MCTP1: variants seen among roughly 807,000 people sequenced by gnomAD.
MCTP1 encodes the protein multiple C2 and transmembrane domain containing 1.
In MCTP1, 69 loss-of-function variants were observed where a neutral mutation model predicts 120.6. That is an observed-to-expected ratio of 0.57 (90% CI 0.47 to 0.70). MCTP1 has a LOEUF of 0.70. Ranked by LOEUF, MCTP1 falls within the 30% of genes least tolerant of loss-of-function variation. The pLI is 0.00. For missense variants in MCTP1, 1,203 were observed against 1,248.8 expected (o/e 0.96, Z 0.55); for synonymous variants, 529 against 493.1 (o/e 1.07, Z -0.96).
intron 1 of MCTP1, among the ~76,000 whole-genome samples, chr5:95,105,589 C>T (rs1757025882): frequency 6.6e-6 from 1 of 152,054 alleles, no homozygotes; most frequent in African/African-American, 2.4e-5. Flanking sequence ...GAGGATATCA[C>T]ATCTCTGTAC....
intron 19 of MCTP1, among the ~76,000 whole-genome samples, chr5:94,772,236 T>C (rs1174244529): frequency 1.3e-5 from 2 of 152,180 alleles, no homozygotes; most frequent in African/African-American, 4.8e-5. Flanking sequence ...TGGTTCTCTT[T>C]CTGAGTCTGG....
intron 18 of MCTP1, among the ~76,000 whole-genome samples, chr5:94,797,950 C>A (rs1179108298): frequency 6.6e-6 from 1 of 151,964 alleles, no homozygotes; most frequent in East Asian, 1.9e-4. Context: ...ATGTATGCAA[C>A]CATTATGATG....
intron 1 of MCTP1, among the ~76,000 whole-genome samples, chr5:95,263,396 C>T (rs1282321698): frequency 2.6e-5 from 4 of 152,146 alleles, no homozygotes; most frequent in Admixed American, 2.0e-4. Flanking sequence ...CCATTCAAAG[C>T]TCCACTAGTT....
At chr5:94,793,826 T>C (rs1779454022) in intron 18 of MCTP1, among the ~76,000 whole-genome samples, 1 of 152,226 alleles carries the variant, frequency 6.6e-6, no homozygotes, top group Non-Finnish European at 1.5e-5. Flanking sequence ...TTCAAGTCAA[T>C]CAGATGTTTC....
At chr5:95,060,832 C>T (rs1046266503) in intron 1 of MCTP1, among the ~76,000 whole-genome samples, 18 of 151,386 alleles carry the variant, frequency 1.2e-4, no homozygotes, top group Admixed American at 1.3e-4. Flanking sequence ...ATTAGCCAAG[C>T]GTGGTGGTGC....
chr5:95,153,285 C>A (rs958452771), intron 1 of MCTP1, among the ~76,000 whole-genome samples: 1 of 152,168 alleles, frequency 6.6e-6, no homozygotes, highest in South Asian at 2.1e-4. Context: ...CCCTTTCGCC[C>A]TCCTCCATGA....
intron 1 of MCTP1, chr5:95,068,801 C>T (rs1751349936): frequency 2.3e-6 from 3 of 1,280,546 alleles, no homozygotes; most frequent in South Asian, 1.3e-5. Context: ...TGCATTTAGT[C>T]TGTCCTTTCC....
chr5:94,743,992 T>C (rs1197897819), intron 19 of MCTP1, among the ~76,000 whole-genome samples: 2 of 151,462 alleles, frequency 1.3e-5, no homozygotes, highest in Non-Finnish European at 2.9e-5. Context: ...TTTTTCTGAG[T>C]CAGGATGTGG....
intron 2 of MCTP1, among the ~76,000 whole-genome samples, chr5:94,994,377 T>C (rs1832199376): frequency 6.6e-6 from 1 of 152,188 alleles, no homozygotes; most frequent in Admixed American, 6.6e-5. Flanking sequence ...TCCATATAGC[T>C]GTGTTACTAG....
chr5:94,988,918 C>G (rs535980637), intron 2 of MCTP1, among the ~76,000 whole-genome samples: 10 of 151,936 alleles, frequency 6.6e-5, no homozygotes, highest in African/African-American at 1.7e-4. Flanking sequence ...TCAGATCTTG[C>G]GAGAACTAAC....
At chr5:95,216,996 A>C (rs1003035043) in intron 1 of MCTP1, among the ~76,000 whole-genome samples, 2 of 152,214 alleles carry the variant, frequency 1.3e-5, no homozygotes, top group Non-Finnish European at 2.9e-5. Context: ...TCCAAAGGGT[A>C]TATCACTAGC....
intron 1 of MCTP1, among the ~76,000 whole-genome samples, chr5:95,170,341 A>G (rs1270122380): frequency 6.6e-6 from 1 of 152,202 alleles, no homozygotes; most frequent in East Asian, 1.9e-4. Context: ...CTATGTGGTC[A>G]ATTTTGGAAA....
At chr5:94,886,032 G>A (rs1801259317) in intron 12 of MCTP1, among the ~76,000 whole-genome samples, 1 of 152,090 alleles carries the variant, frequency 6.6e-6, no homozygotes, top group South Asian at 2.1e-4. Context: ...GTCCAACACT[G>A]GGCTATTGAG....
intron 1 of MCTP1, among the ~76,000 whole-genome samples, chr5:95,019,003 T>C (rs1223509064): frequency 1.3e-5 from 2 of 152,092 alleles, no homozygotes; most frequent in African/African-American, 2.4e-5. Flanking sequence ...TTTTTTGTGG[T>C]TGGGCTTTCA....
intron 18 of MCTP1, among the ~76,000 whole-genome samples, chr5:94,796,606 A>ATATATAT (rs1780087504): frequency 5.6e-5 from 5 of 89,944 alleles, no homozygotes; most frequent in Admixed American, 2.7e-4. Flanking sequence ...CATATATATA[A>ATATATAT]TATATATAAT....
At chr5:94,984,113 A>G (rs1490197632) in intron 2 of MCTP1, among the ~76,000 whole-genome samples, 1 of 152,188 alleles carries the variant, frequency 6.6e-6, no homozygotes, top group East Asian at 1.9e-4. Flanking sequence ...TTCCTCTTCT[A>G]TGAAGCAATC....
chr5:95,035,447 T>A (rs1841113549), intron 1 of MCTP1, among the ~76,000 whole-genome samples: 1 of 151,986 alleles, frequency 6.6e-6, no homozygotes, highest in South Asian at 2.1e-4. Flanking sequence ...GGCAATTATC[T>A]TAAGTGAACT....
intron 1 of MCTP1, among the ~76,000 whole-genome samples, chr5:95,030,024 T>C (rs933568987): frequency 6.6e-6 from 1 of 152,158 alleles, no homozygotes; most frequent in African/African-American, 2.4e-5. Flanking sequence ...GTTGCAGAGT[T>C]GCCTGATCTG....
chr5:95,284,588 GCTCCTCCTCTCCCCTCCTCCTC>G lies in MCTP1; in HGVS notation c.-35_-14del. On this transcript the variant is annotated 5_prime_UTR_variant, in exon 1 of 23. Transcript: ENST00000515393. The surrounding 1 kb of genome is among the most constrained non-coding windows in gnomAD (Gnocchi z 5.2). Reference sequence around the variant, plus strand: ...CCCGGGGCTCCATCCTCCACCCCCTGCTCCTCCTCTCCCCTCCTCCTCCTCCTCCTCCTCCTGCTTCTCCTCC... The same window carrying G: ...CCCGGGGCTCCATCCTCCACCCCCTGCTCCTCCTCCTCCTGCTTCTCCTCC... 1 of 1,413,198 alleles carries G rather than the reference GCTCCTCCTCTCCCCTCCTCCTC, an allele frequency of 7.1e-7. No individual in the cohort carries two copies. The highest frequency in any genetic ancestry group is 9.1e-7 in the Non-Finnish European group (1 of 1,096,026). The allele number at this position is 1,413,198 out of a possible 1,614,324, so 87.5% of individuals were successfully genotyped here.
Sources: gnomAD v4.1 joint callset for allele counts (sites outside exome capture counted in the v4.1 genomes callset) on GRCh38, gnomAD v4.1.1 for gene constraint, Gnocchi (gnomAD v3.1) non-coding constraint, MANE v1.5 for transcripts, NCBI Gene and HGNC (gene_info 2026-07-23, HGNC 2026-07-21) for gene names.